ABCA5: variants seen among roughly 807,000 people sequenced by gnomAD.
ABCA5 encodes cholesterol transporter ABCA5.
In ABCA5, 163 loss-of-function variants were observed where a neutral mutation model predicts 206.0. The observed-to-expected ratio is 0.79, with a 90% CI of 0.70 to 0.90. The LOEUF (loss-of-function observed/expected upper bound fraction) is 0.90. Among genes scored for constraint, ABCA5 ranks in the 40% least tolerant of loss-of-function variants. ABCA5 has a pLI of 0.00. For synonymous variants in ABCA5, 609 were observed against 613.8 expected (o/e 0.99, Z 0.11); for missense variants, 1,859 against 1,912.9 (o/e 0.97, Z 0.53).
intron 10 of ABCA5, 50 bp downstream of exon 10, chr17:69,297,141 A>G (rs1184090153): frequency 1.3e-6 from 2 of 1,524,628 alleles, no homozygotes; most frequent in Non-Finnish European, 1.8e-6. Flanking sequence ...TAGGATTTAA[A>G]TGTTTCATCA....
chr17:69,298,316 G>GAGGAAGGAAGGA (rs71144670), intron 9 of ABCA5, among the ~76,000 whole-genome samples: 66 of 42,102 alleles, frequency 1.6e-3, no homozygotes, highest in African/African-American at 3.9e-3. Context: ...AAGAGAGAGA[G>GAGGAAGGAAGGA]AGGAAGGAAG....
At chr17:69,257,053 T>C (rs1180275695) in intron 28 of ABCA5, among the ~76,000 whole-genome samples, 2 of 151,706 alleles carry the variant, frequency 1.3e-5, no homozygotes, top group Non-Finnish European at 2.9e-5. Flanking sequence ...ACAGAAGACA[T>C]AATGGAAAAC....
Position 69,314,395 on chromosome 17 carries a change from C to T in ABCA5, c.21G>A (p.Glu7=), listed in dbSNP as rs1329891906. 6.2e-7 allele frequency: 1 copy of T among 1,612,494 alleles called. No individual in the cohort carries two copies. The highest frequency in any genetic ancestry group is 8.5e-7 in the Non-Finnish European group (1 of 1,178,946). ...TTCTGGTCTGTCTCCAAACTCCTAC[C>T]TCCCTAATTGCAGTGGACATGTTTT... MSTAIR[E]VGVWRQTRTL... is the part of the protein sequence containing the mutation. Residue 7 remains glutamate (E), a synonymous_variant, in exon 2 of 39, where the codon GAG becomes GAA. Coordinates refer to ENST00000392676, the MANE Select transcript of ABCA5 (RefSeq NM_172232.4).
intron 23 of ABCA5, among the ~76,000 whole-genome samples, chr17:69,265,516 T>C (rs367586040): frequency 7.2e-5 from 11 of 152,124 alleles, no homozygotes; most frequent in African/African-American, 2.4e-4. Flanking sequence ...ATGTTCTCAT[T>C]TAATTTGAAA....
Position 69,253,863 on chromosome 17 carries a change from T to C in ABCA5, c.4251A>G (p.Thr1417=), listed in dbSNP as rs770716296. ...SDMKEVISRI[T]HALDLKEHLQ... is the part of the protein sequence containing the mutation. ...GATGTTCTTTTAAATCAAGTGCATG[T>C]GTTATTCTGCAAAATGAACAATACA... Residue 1417 remains threonine (T), a synonymous_variant, in exon 33 of 39, where the codon ACA becomes ACG. Transcript: ENST00000392676. The C allele has an allele frequency of 6.2e-7, 1 of 1,609,906 alleles. No homozygotes were observed. Among genetic ancestry groups the C allele is most frequent in the South Asian group, 1.1e-5 (1 of 90,578 alleles).
chr17:69,248,022 A>G (rs1273198591), intron 38 of ABCA5, among the ~76,000 whole-genome samples: 1 of 152,136 alleles, frequency 6.6e-6, no homozygotes, highest in East Asian at 1.9e-4. Context: ...TCAAAACATC[A>G]CTGTACCCAA....
chr17:69,303,591 A>T (rs2053212359), intron 7 of ABCA5, among the ~76,000 whole-genome samples: 1 of 145,896 alleles, frequency 6.9e-6, no homozygotes, highest in Non-Finnish European at 1.5e-5. Flanking sequence ...TTTTAAACTT[A>T]ATTTATTCAT....
chr17:69,309,182 A>G, intron 4 of ABCA5, 80 bp downstream of exon 4: 1 of 1,141,472 alleles, frequency 8.8e-7, no homozygotes, highest in South Asian at 2.1e-5. Context: ...ATATTGAACT[A>G]TATAAAATTT....
rs2075268964 is a variant in ABCA5, at chr17:69,271,159, T to C, written c.2892+3A>G. ...GGATATTCATTCACTGCATTCATCT[T>C]ACCTTTTCTGAATGCATCACATTTA... On this transcript the variant is annotated splice_donor_region_variant and intron_variant, in intron 21 of 38. Transcript: ENST00000392676. 2.5e-6 allele frequency: 4 copies of C among 1,609,448 alleles called. No individual in the cohort carries two copies. Among genetic ancestry groups the C allele is most frequent in the Non-Finnish European group, 3.4e-6 (4 of 1,178,850 alleles).
chr17:69,259,106 TA>T (rs2075117003), intron 28 of ABCA5, among the ~76,000 whole-genome samples: 1 of 151,986 alleles, frequency 6.6e-6, no homozygotes, highest in Non-Finnish European at 1.5e-5. Flanking sequence ...AATGAAAATA[TA>T]TGTCCATACA....
chr17:69,259,969 T>G (rs2144909813), intron 27 of ABCA5, among the ~76,000 whole-genome samples, 172 bp from the exon 28 acceptor site: 1 of 152,044 alleles, frequency 6.6e-6, no homozygotes, highest in African/African-American at 2.4e-5. Context: ...AAAATAAATT[T>G]TAATACAAAC....
intron 9 of ABCA5, among the ~76,000 whole-genome samples, chr17:69,300,481 T>C (rs1331831386): frequency 2.0e-5 from 3 of 152,176 alleles, no homozygotes; most frequent in Non-Finnish European, 4.4e-5. Flanking sequence ...ACTTTTATAA[T>C]GGTCAAAATG....
At chr17:69,292,874 T>C (rs1271415928) in intron 11 of ABCA5, among the ~76,000 whole-genome samples, 1 of 152,148 alleles carries the variant, frequency 6.6e-6, no homozygotes, top group African/African-American at 2.4e-5. Flanking sequence ...ACAAAGGTCT[T>C]GAAACAAAAA....
chr17:69,294,535 TA>T, intron 11 of ABCA5, 119 bp downstream of exon 11: 1 of 954,690 alleles, frequency 1.0e-6, no homozygotes. Context: ...AAAAATAAAA[TA>T]AAATAAAAGC....
chr17:69,285,260 T>C (rs1896489288), intron 17 of ABCA5: 1 of 152,180 alleles, frequency 6.6e-6, no homozygotes. Context: ...GATAGAATGA[T>C]AGGCAGAGTG....
intron 19 of ABCA5, among the ~76,000 whole-genome samples, chr17:69,274,354 G>C (rs762702349): frequency 6.6e-6 from 1 of 151,570 alleles, no homozygotes; most frequent in Non-Finnish European, 1.5e-5. Context: ...AAATAGCTGA[G>C]ACTACAGGCA....
chr17:69,267,306 C>A (rs2075221622), intron 23 of ABCA5, among the ~76,000 whole-genome samples: 1 of 152,026 alleles, frequency 6.6e-6, no homozygotes, highest in Non-Finnish European at 1.5e-5. Flanking sequence ...TTTATTAGAG[C>A]AGTAAGATAT....
At position 69,277,490 on chromosome 17, in the gene ABCA5, T is replaced by C. The variant is rs1231814233; in HGVS notation, c.2594+151A>G. On this transcript the variant is annotated intron_variant, in intron 19 of 38. Coordinates refer to ENST00000392676, the MANE Select transcript of ABCA5 (RefSeq NM_172232.4). ...GGTATTCGATGAAATTATTGTAATT[T>C]TTTTCTCTAACATTGTGAAATTACA... is the stretch of plus-strand genomic sequence containing the variant. 37 of 565,568 alleles carry C rather than the reference T, an allele frequency of 6.5e-5. 1 individual carries two copies. The East Asian group carries it at 1.3e-3, about 19-fold the overall frequency. 35.0% of individuals were successfully genotyped at this position (565,568 alleles called of 1,614,324 possible).
Position 69,308,300 on chromosome 17 carries a change from T to C in ABCA5, c.538A>G (p.Ile180Val), listed in dbSNP as rs1272688957. 3 of 1,609,952 alleles carry C rather than the reference T, an allele frequency of 1.9e-6. No individual in the cohort carries two copies. Among genetic ancestry groups the C allele is most frequent in the South Asian group, 1.1e-5 (1 of 90,852 alleles). The change falls in exon 5 of 39, where the codon ATA becomes GTA. Residue 180 changes from isoleucine to valine, a missense_variant. Coordinates refer to ENST00000392676, the MANE Select transcript of ABCA5 (RefSeq NM_172232.4). ...TTTACCTGTATAATGGCAGCATCTATGGATGCTTGTAAAACTGTGAAACCT... is the reference window on the plus strand; with the variant it reads ...TTTACCTGTATAATGGCAGCATCTACGGATGCTTGTAAAACTGTGAAACCT... ...SSGFTVLQAS[I>V]DAAIIQLKTN...
Sources: gnomAD v4.1 joint callset for allele counts (sites outside exome capture counted in the v4.1 genomes callset) on GRCh38, gnomAD v4.1.1 for gene constraint, MANE v1.5 for transcripts, NCBI Gene and HGNC (gene_info 2026-07-23, HGNC 2026-07-21) for gene names.